Variants in EXOC6 observed in about 807,000 individuals in gnomAD.
EXOC6 encodes the protein SEC15-like 1.
Under a neutral mutation model 112.5 loss-of-function variants are expected in EXOC6, and 60 were observed. That is an observed-to-expected ratio of 0.53 (90% CI 0.43 to 0.66). The LOEUF is 0.66. Ranked by LOEUF, EXOC6 falls within the 30% of genes least tolerant of loss-of-function variation. EXOC6 has a pLI of 0.00. For synonymous variants in EXOC6, 295 were observed against 308.0 expected (o/e 0.96, Z 0.44); for missense variants, 855 against 957.1 (o/e 0.89, Z 1.41).
Position 92,896,137 on chromosome 10 carries a change from GTATGTA to G in EXOC6, c.412+1119_412+1124del, listed in dbSNP as rs1278073862. On this transcript the variant is annotated intron_variant, in intron 4 of 21. Coordinates refer to ENST00000260762, the MANE Select transcript of EXOC6 (RefSeq NM_019053.6). Reference sequence around the variant, plus strand: ...TATATATATGTGTGTGTGTGTGTGTGTATGTATGTGTATATATATATATATATATAT... The same window carrying G: ...TATATATATGTGTGTGTGTGTGTGTGTGTGTATATATATATATATATATAT... 7.2e-3 allele frequency among the ~76,000 whole-genome samples: 187 copies of G among 25,806 alleles called. 10 individuals carry two copies. The highest frequency in any genetic ancestry group is 0.02 in the South Asian group (11 of 556). 16.9% of individuals were successfully genotyped at this position (25,806 alleles called of 152,430 possible).
intron 18 of EXOC6, among the ~76,000 whole-genome samples, chr10:92,975,862 C>T (rs1423493268): frequency 2.2e-5 from 3 of 138,926 alleles, no homozygotes; most frequent in East Asian, 4.5e-4. Context: ...CCGGCCGCCC[C>T]TACTGGGAAG....
chr10:93,052,059 T>G (rs764972181), intron 20 of EXOC6, among the ~76,000 whole-genome samples: 4 of 152,192 alleles, frequency 2.6e-5, no homozygotes, highest in Admixed American at 6.5e-5. Flanking sequence ...GGCTTAACTT[T>G]ATTTATCTTC....
Position 93,050,759 on chromosome 10 carries a change from C to CAAAAAAAAAAAAAAAAAAAAAAA in EXOC6, c.2170-6143_2170-6142insAAAAAAAAAAAAAAAAAAAAAAA, listed in dbSNP as rs58439083. Among the ~76,000 whole-genome samples, 4 of 37,308 alleles carry CAAAAAAAAAAAAAAAAAAAAAAA rather than the reference C, an allele frequency of 1.1e-4. 1 individual carries two copies. Among genetic ancestry groups the CAAAAAAAAAAAAAAAAAAAAAAA allele is most frequent in the African/African-American group, 1.1e-4 (1 of 9,330 alleles). The allele number at this position is 37,308 out of a possible 152,430, so 24.5% of individuals were successfully genotyped here. ...TGGGCAACAAAGCGAGACTCCGTCT[C>CAAAAAAAAAAAAAAAAAAAAAAA]AAAAAAAAAAAAAAAAAAAAAAGAA... On this transcript the variant is annotated intron_variant, in intron 20 of 21. Transcript: ENST00000260762.
At chr10:92,897,459 T>A (rs1849885981) in intron 4 of EXOC6, among the ~76,000 whole-genome samples, 1 of 152,148 alleles carries the variant, frequency 6.6e-6, no homozygotes, top group Admixed American at 6.6e-5. Context: ...GGAAAATAAA[T>A]CTTGGGACCC....
chr10:92,935,889 G>A lies in EXOC6; in HGVS notation c.1212+4G>A, dbSNP rs750798157. 1 of 1,561,714 alleles carries A rather than the reference G, an allele frequency of 6.4e-7. No homozygotes were observed. Among genetic ancestry groups the A allele is most frequent in the Non-Finnish European group, 8.8e-7 (1 of 1,137,186 alleles). ...AATATTTGCAGATACTTTACAGGTGGGTGATAACCTAACAATTAATGGTTA... is the reference window on the plus strand; with the variant it reads ...AATATTTGCAGATACTTTACAGGTGAGTGATAACCTAACAATTAATGGTTA... On this transcript the variant is annotated splice_donor_region_variant and intron_variant, in intron 12 of 21. Transcript: ENST00000260762.
At chr10:92,838,773 C>T (rs1257514491) in intron 1 of EXOC6, among the ~76,000 whole-genome samples, 1 of 152,110 alleles carries the variant, frequency 6.6e-6, no homozygotes, top group Non-Finnish European at 1.5e-5. Flanking sequence ...TAGCTTTGGC[C>T]ATTCAAAATC....
In EXOC6 at chr10:92,903,732, C is replaced by G. The variant is rs1045578031; in HGVS notation, c.458+4088C>G. 2.0e-5 allele frequency among the ~76,000 whole-genome samples: 3 copies of G among 151,882 alleles called. 1 individual carries two copies. The highest frequency in any genetic ancestry group is 4.1e-4 in the South Asian group (2 of 4,826). On this transcript the variant is annotated intron_variant, in intron 5 of 21. Transcript: ENST00000260762. ...ATATACTTTTCCTCTTCTTTCTAAGCAGTTTTTCTGTTATTAATGTCTTGC... is the reference window on the plus strand; with the variant it reads ...ATATACTTTTCCTCTTCTTTCTAAGGAGTTTTTCTGTTATTAATGTCTTGC...
At chr10:92,992,551 A>G (rs10882137) in intron 18 of EXOC6, among the ~76,000 whole-genome samples, 65,722 of 151,712 alleles carry the variant, frequency 0.43, 14,921 homozygotes, top group African/African-American at 0.55. Context: ...CTTTTTCCTG[A>G]TTTCATAACA....
At chr10:92,932,314 A>G (rs1834059777) in intron 9 of EXOC6, among the ~76,000 whole-genome samples, 1 of 152,146 alleles carries the variant, frequency 6.6e-6, no homozygotes, top group African/African-American at 2.4e-5. Context: ...AATTCTCTAC[A>G]AAAGAGCAGG....
At chr10:92,910,905 G>A (rs997340083) in intron 6 of EXOC6, among the ~76,000 whole-genome samples, 2 of 152,226 alleles carry the variant, frequency 1.3e-5, no homozygotes, top group Non-Finnish European at 2.9e-5. Flanking sequence ...CTCCAGCCTG[G>A]GTGACAGAGC....
At chr10:93,012,937 A>G (rs1844324698) in intron 19 of EXOC6, among the ~76,000 whole-genome samples, 1 of 152,084 alleles carries the variant, frequency 6.6e-6, no homozygotes, top group Non-Finnish European at 1.5e-5. Context: ...AGTCCCAGCT[A>G]CTTGGGAGGC....
At chr10:93,006,022 T>C (rs1415083497) in intron 19 of EXOC6, among the ~76,000 whole-genome samples, 2 of 152,008 alleles carry the variant, frequency 1.3e-5, no homozygotes, top group Non-Finnish European at 2.9e-5. Flanking sequence ...TACTCAGATG[T>C]GGTGGTGCAC....
chr10:92,944,298 G>A (rs371626717), intron 13 of EXOC6, among the ~76,000 whole-genome samples: 94 of 152,034 alleles, frequency 6.2e-4, no homozygotes, highest in East Asian at 4.5e-3. Context: ...GTGCAGCAGC[G>A]TGATCTTGGC....
chr10:92,894,837 A>G lies in EXOC6; in HGVS notation c.317A>G (p.Lys106Arg), dbSNP rs1353656594. The change falls in exon 3 of 22, where the codon AAA becomes AGA. Residue 106 changes from lysine (K) to arginine (R), a missense_variant. This residue lies in a region of EXOC6 where 405 missense variants were observed against 393.6 expected (regional missense o/e 1.03). Coordinates refer to ENST00000260762, the MANE Select transcript of EXOC6 (RefSeq NM_019053.6). ...AACCGAAGGTTTCAAGATGCTGGAA[A>G]AGAGGTGAGAAAATGATACTTTTCT... Reference protein sequence around the residue: ...DTNRRFQDAGKEVIVHTEDII... With the variant: ...DTNRRFQDAGREVIVHTEDII... 6.2e-7 allele frequency: 1 copy of G among 1,613,536 alleles called. No homozygotes were observed. The highest frequency in any genetic ancestry group is 2.2e-5 in the East Asian group (1 of 44,800).
At chr10:92,899,538 T>C in intron 4 of EXOC6, 61 bp from the exon 5 acceptor site, 2 of 1,182,818 alleles carry the variant, frequency 1.7e-6, no homozygotes, top group Non-Finnish European at 1.2e-6. Flanking sequence ...TTGATTATTT[T>C]CATGTCTCAA....
chr10:92,840,457 T>C (rs990419436), intron 1 of EXOC6, among the ~76,000 whole-genome samples: 13 of 152,194 alleles, frequency 8.5e-5, no homozygotes, highest in Admixed American at 8.5e-4. Flanking sequence ...GAGTAAATAA[T>C]AAATATTAGT....
At chr10:92,848,011 C>T (rs895294251), upstream of EXOC6, among the ~76,000 whole-genome samples, 2 of 151,978 alleles carry the variant, frequency 1.3e-5, no homozygotes, top group South Asian at 2.1e-4. Flanking sequence ...GATCTTTATT[C>T]GTTCCTAAAA....
intron 17 of EXOC6, among the ~76,000 whole-genome samples, chr10:92,966,177 TA>T (rs1443358973): frequency 1.3e-5 from 2 of 151,850 alleles, no homozygotes; most frequent in African/African-American, 4.8e-5. Context: ...AAGCAATAAA[TA>T]AATTTTTATG....
chr10:93,017,869 G>A (rs901100374), intron 20 of EXOC6, among the ~76,000 whole-genome samples: 3 of 151,872 alleles, frequency 2.0e-5, no homozygotes, highest in Admixed American at 6.6e-5. Flanking sequence ...AATTAGCTGG[G>A]CGTGGTGGTG....
Sources: gnomAD v4.1 joint callset for allele counts (sites outside exome capture counted in the v4.1 genomes callset) on GRCh38, gnomAD v4.1.1 for gene constraint, gnomAD v4.1.1 regional missense constraint, MANE v1.5 for transcripts, NCBI Gene and HGNC (gene_info 2026-07-23, HGNC 2026-07-21) for gene names.